The following CORO2A variants were observed in gnomAD, a reference collection of about 807,000 sequenced individuals.
The protein encoded by CORO2A is coronin-2A.
In CORO2A, 47 loss-of-function variants were observed where a neutral mutation model predicts 62.4. That is an observed-to-expected ratio of 0.75 (90% CI 0.60 to 0.96). The LOEUF is 0.96. Ranked by LOEUF, CORO2A falls within the 40% of genes least tolerant of loss-of-function variation. The probability of loss-of-function intolerance (pLI) is 0.00; values close to 1 mark genes in which losing one functional copy is unlikely to be tolerated. For synonymous variants in CORO2A, 273 were observed against 268.9 expected (o/e 1.02, Z -0.15); for missense variants, 610 against 684.1 (o/e 0.89, Z 1.21).
chr9:98,128,239 T>C lies in CORO2A; in HGVS notation c.1102A>G (p.Ile368Val). The part of the protein sequence containing the change: ...PRRSESYQED[I>V]YPPTAGAQPS... ...TGGGCCCCTGCTGTTGGAGGGTATA[T>C]GTCCTCTTGGTAGGATTCTGACTGC... is the stretch of plus-strand genomic sequence containing the variant. Residue 368 changes from isoleucine to valine, a missense_variant, in exon 10 of 12, where the codon ATA (isoleucine) becomes GTA (valine). Ile to Val is a conservative substitution (Grantham distance 29, BLOSUM62 3). Coordinates refer to ENST00000375077, the MANE Select transcript of CORO2A (RefSeq NM_052820.4). 1 of 1,613,478 alleles carries C rather than the reference T, an allele frequency of 6.2e-7. No individual in the cohort carries two copies. The highest frequency in any genetic ancestry group is 8.5e-7 in the Non-Finnish European group (1 of 1,179,612).
At chr9:98,129,932 T>G (rs753663828) in intron 7 of CORO2A, 42 bp from the exon 8 acceptor site, 2 of 1,523,958 alleles carry the variant, frequency 1.3e-6, no homozygotes, top group South Asian at 2.2e-5. Context: ...GATTCAGAGC[T>G]GGAGCTCATC....
At chr9:98,164,266 G>A (rs1827929490) in intron 1 of CORO2A, among the ~76,000 whole-genome samples, 1 of 152,234 alleles carries the variant, frequency 6.6e-6, no homozygotes, top group Non-Finnish European at 1.5e-5. Flanking sequence ...TACAAAGGCT[G>A]AGAATTCACA....
rs1827436530 is a variant in CORO2A, at chr9:98,133,231, A to G, written c.469-14T>C. 1.2e-6 allele frequency: 2 copies of G among 1,613,698 alleles called. No homozygotes were observed. The highest frequency in any genetic ancestry group is 1.3e-5 in the African/African-American group (1 of 74,936). On this transcript the variant is annotated splice_polypyrimidine_tract_variant and intron_variant, in intron 4 of 11. Transcript: ENST00000375077. Reference sequence around the variant, plus strand: ...CCAGATCATCACCTGCATGGCAGAGAGCCAGCTCTGAGCACAGGGGCCACC... The same window carrying G: ...CCAGATCATCACCTGCATGGCAGAGGGCCAGCTCTGAGCACAGGGGCCACC...
At chr9:98,134,766 C>T in intron 4 of CORO2A, 40 bp downstream of exon 4, 1 of 1,555,004 alleles carries the variant, frequency 6.4e-7, no homozygotes, top group Non-Finnish European at 8.7e-7. Flanking sequence ...TTTGTGGGAA[C>T]TTGTTGGGGC....
intron 10 of CORO2A, among the ~76,000 whole-genome samples, 176 bp downstream of exon 10, chr9:98,127,994 G>A (rs1827350894): frequency 1.3e-5 from 2 of 152,090 alleles, no homozygotes; most frequent in African/African-American, 4.8e-5. Flanking sequence ...CAAGCCCCCT[G>A]ACTTTCTGGA....
At chr9:98,167,880 C>A (rs569223327) in intron 1 of CORO2A, among the ~76,000 whole-genome samples, 1 of 152,296 alleles carries the variant, frequency 6.6e-6, no homozygotes, top group South Asian at 2.1e-4. Flanking sequence ...AGAGATGAAA[C>A]AGGCTGCTGA....
At chr9:98,150,564 C>A (rs2761061) in intron 2 of CORO2A, among the ~76,000 whole-genome samples, 60,053 of 152,020 alleles carry the variant, frequency 0.4, 11,874 homozygotes, top group East Asian at 0.54. Context: ...CCTCTCCCAA[C>A]CCACGTCACA....
Position 98,129,824 on chromosome 9 carries a change from ACT to A in CORO2A, c.935_936del (p.Glu312ValfsTer5). The A allele has an allele frequency of 6.2e-7, 1 of 1,614,026 alleles. No individual in the cohort carries two copies. Among genetic ancestry groups the A allele is most frequent in the South Asian group, 1.1e-5 (1 of 91,086 alleles). ...CCCTTCTGTGGGTTATAGGAGCGGTACTCAGTCAGGTAGCTCAGGTGAGGCTT... is the reference window on the plus strand; with the variant it reads ...CCCTTCTGTGGGTTATAGGAGCGGTACAGTCAGGTAGCTCAGGTGAGGCTT... ...ADKPHLSYLT[E>X]YRSYNPQKGI... On this transcript the variant is annotated frameshift_variant, in exon 8 of 12. Transcript: ENST00000375077. LOFTEE classifies it high-confidence loss of function.
intron 1 of CORO2A, among the ~76,000 whole-genome samples, chr9:98,189,355 TCTG>T (rs1828277717): frequency 6.6e-6 from 1 of 152,202 alleles, no homozygotes; most frequent in Admixed American, 6.5e-5. Context: ...ACAAGAAGAT[TCTG>T]CTGAATTATT....
At chr9:98,125,330 G>A (rs1369021316) in intron 11 of CORO2A, among the ~76,000 whole-genome samples, 1 of 152,168 alleles carries the variant, frequency 6.6e-6, no homozygotes, top group Admixed American at 6.5e-5. Context: ...TAAGGGCCTC[G>A]TTATCCCACT....
chr9:98,128,759 C>T, intron 8 of CORO2A, 40 bp from the exon 9 acceptor site: 1 of 1,572,164 alleles, frequency 6.4e-7, no homozygotes, highest in Non-Finnish European at 8.8e-7. Flanking sequence ...TCTGGCTAGG[C>T]TGGGGCCACA....
At chr9:98,147,098 C>T (rs1348527328) in intron 2 of CORO2A, among the ~76,000 whole-genome samples, 2 of 152,044 alleles carry the variant, frequency 1.3e-5, no homozygotes, top group Non-Finnish European at 2.9e-5. Context: ...GAGACCCCAT[C>T]TCTACTTACA....
chr9:98,168,832 C>T (rs1026855183), intron 1 of CORO2A, among the ~76,000 whole-genome samples: 1 of 152,234 alleles, frequency 6.6e-6, no homozygotes, highest in African/African-American at 2.4e-5. Flanking sequence ...GTGAGAGTTC[C>T]AACCCCTGGT....
intron 10 of CORO2A, among the ~76,000 whole-genome samples, chr9:98,127,484 G>A (rs111564137): frequency 0.15 from 22,512 of 152,100 alleles, 1,998 homozygotes; most frequent in Middle Eastern, 0.23. Context: ...GACCTGGGTG[G>A]GGGTTGCTGC....
At chr9:98,128,855 C>T (rs2118797207) in intron 8 of CORO2A, 136 bp from the exon 9 acceptor site, 1 of 656,448 alleles carries the variant, frequency 1.5e-6, no homozygotes, top group East Asian at 2.7e-5. Flanking sequence ...CAAATACCGA[C>T]ACTGGGCTGG....
At chr9:98,138,017 T>C (rs1405994028) in intron 2 of CORO2A, among the ~76,000 whole-genome samples, 2 of 152,162 alleles carry the variant, frequency 1.3e-5, no homozygotes, top group South Asian at 2.1e-4. Context: ...CTGGTAGGCA[T>C]GTAAAATGGT....
intron 1 of CORO2A, among the ~76,000 whole-genome samples, chr9:98,176,268 A>C (rs1197449185): frequency 6.6e-6 from 1 of 152,186 alleles, no homozygotes; most frequent in Non-Finnish European, 1.5e-5. Flanking sequence ...GTTTTTAGCC[A>C]GACCCACTAA....
At chr9:98,178,911 G>A (rs1418829419) in intron 1 of CORO2A, among the ~76,000 whole-genome samples, 1 of 152,232 alleles carries the variant, frequency 6.6e-6, no homozygotes, top group Admixed American at 6.5e-5. Flanking sequence ...AAGAACCTGA[G>A]AAGGGATGTG....
intron 1 of CORO2A, among the ~76,000 whole-genome samples, chr9:98,186,152 C>T (rs527979841): frequency 1.2e-4 from 18 of 152,296 alleles, no homozygotes; most frequent in African/African-American, 4.1e-4. Context: ...GCTCAGCTCC[C>T]GATTTCTTAT....
Sources: gnomAD v4.1 joint callset for allele counts (sites outside exome capture counted in the v4.1 genomes callset) on GRCh38, gnomAD v4.1.1 for gene constraint, MANE v1.5 for transcripts, NCBI Gene and HGNC (gene_info 2026-07-23, HGNC 2026-07-21) for gene names.